Variants in PTPRT observed in about 807,000 individuals in gnomAD.
The protein encoded by PTPRT is protein tyrosine phosphatase receptor type T, also known as receptor-type tyrosine-protein phosphatase T.
Under a neutral mutation model 176.8 loss-of-function variants are expected in PTPRT, and 56 were observed. The ratio of observed to expected loss-of-function variants is 0.32; its 90% confidence interval spans 0.26 to 0.40. PTPRT has a LOEUF of 0.40. Among genes scored for constraint, PTPRT ranks in the 10% least tolerant of loss-of-function variants. The pLI is 1.00. For synonymous variants in PTPRT, 783 were observed against 739.0 expected (o/e 1.06, Z -0.96); for missense variants, 1,540 against 1,908.2 (o/e 0.81, Z 3.60).
intron 1 of PTPRT, among the ~76,000 whole-genome samples, chr20:42,933,477 C>T (rs1439984224): frequency 6.6e-6 from 1 of 152,100 alleles, no homozygotes; most frequent in Non-Finnish European, 1.5e-5. Flanking sequence ...TTTTCCAGTC[C>T]CGAGCATGGT....
At chr20:42,081,622 C>T (rs1983337597) in intron 30 of PTPRT, among the ~76,000 whole-genome samples, 1 of 152,194 alleles carries the variant, frequency 6.6e-6, no homozygotes, top group Admixed American at 6.5e-5. Flanking sequence ...GAATTAATGA[C>T]ACTGTCTTAA....
chr20:42,153,212 A>C (rs1450782821), intron 17 of PTPRT, among the ~76,000 whole-genome samples: 2 of 152,138 alleles, frequency 1.3e-5, no homozygotes, highest in Non-Finnish European at 2.9e-5. Context: ...TATTTTCTTT[A>C]TTTATCTTTC....
In PTPRT at chr20:42,649,679, A is replaced by G. The variant is rs6016862; in HGVS notation, c.1153+28187T>C. Among the ~76,000 whole-genome samples, 193 of 152,310 alleles carry G rather than the reference A, an allele frequency of 1.3e-3. 2 individuals are homozygous for G. Among genetic ancestry groups the G allele is most frequent in the African/African-American group, 4.4e-3 (184 of 41,544 alleles). ...CTCTGGGGAGTATGGGAAGGTCCTG[A>G]AAGAGCCCCTAAGTTATGCTTGATT... is the stretch of plus-strand genomic sequence containing the variant. On this transcript the variant is annotated intron_variant, in intron 7 of 30. Coordinates refer to ENST00000373187, the MANE Select transcript of PTPRT (RefSeq NM_007050.6).
intron 17 of PTPRT, among the ~76,000 whole-genome samples, chr20:42,152,023 G>C (rs952886750): frequency 6.6e-6 from 1 of 152,220 alleles, no homozygotes; most frequent in African/African-American, 2.4e-5. Flanking sequence ...TGGTCAGCTT[G>C]TGGGTGACAA....
intron 1 of PTPRT, among the ~76,000 whole-genome samples, chr20:42,982,334 T>C (rs1983330816): frequency 6.6e-6 from 1 of 151,824 alleles, no homozygotes. Flanking sequence ...ATGTGGGAGG[T>C]AGACCTTAAT....
intron 7 of PTPRT, among the ~76,000 whole-genome samples, chr20:42,674,106 AACACCAATAAAC>A (rs1351990824): frequency 6.6e-6 from 1 of 152,188 alleles, no homozygotes; most frequent in Non-Finnish European, 1.5e-5. Context: ...TCAGACTACC[AACACCAATAAAC>A]ACCACCTACA....
chr20:42,773,464 T>C (rs904697040), intron 4 of PTPRT, among the ~76,000 whole-genome samples: 1 of 152,092 alleles, frequency 6.6e-6, no homozygotes, highest in African/African-American at 2.4e-5. Context: ...ATTTCCCCAA[T>C]GTACTTTTAC....
At chr20:42,694,525 T>C (rs1164357574) in intron 6 of PTPRT, among the ~76,000 whole-genome samples, 1 of 152,222 alleles carries the variant, frequency 6.6e-6, no homozygotes, top group African/African-American at 2.4e-5. Flanking sequence ...TGTATAGGTT[T>C]TTGTGTGAAC....
intron 1 of PTPRT, among the ~76,000 whole-genome samples, chr20:43,141,314 G>A (rs1324067098): frequency 6.6e-6 from 1 of 152,156 alleles, no homozygotes; most frequent in Non-Finnish European, 1.5e-5. Context: ...TCTGCTGGTC[G>A]TGGCGAGGCT....
intron 9 of PTPRT, among the ~76,000 whole-genome samples, chr20:42,426,611 C>T (rs1330214302): frequency 6.6e-6 from 1 of 152,236 alleles, no homozygotes. Context: ...TAAAAGAGCA[C>T]TGTAGCATGC....
intron 7 of PTPRT, among the ~76,000 whole-genome samples, chr20:42,502,067 AT>A (rs1232321088): frequency 6.6e-6 from 1 of 152,066 alleles, no homozygotes; most frequent in Non-Finnish European, 1.5e-5. Context: ...TTATTGATTC[AT>A]TTTTTAAAAT....
intron 7 of PTPRT, among the ~76,000 whole-genome samples, chr20:42,619,508 TTC>T (rs1424629262): frequency 2.3e-5 from 3 of 130,274 alleles, no homozygotes; most frequent in Admixed American, 1.5e-4. Context: ...ATTGGGGAAG[TTC>T]TCCTGGATAA....
At chr20:42,523,001 T>C (rs1013159583) in intron 7 of PTPRT, among the ~76,000 whole-genome samples, 2 of 152,196 alleles carry the variant, frequency 1.3e-5, no homozygotes, top group Non-Finnish European at 2.9e-5. Flanking sequence ...TCAATTTAGA[T>C]CCTTAATTTC....
intron 1 of PTPRT, among the ~76,000 whole-genome samples, chr20:42,904,525 C>T (rs535769757): frequency 9.9e-5 from 15 of 152,246 alleles, no homozygotes; most frequent in African/African-American, 3.1e-4. Flanking sequence ...CCCATAACAA[C>T]AGTGGAAGAG....
At chr20:42,206,626 G>T (rs1390025217) in intron 15 of PTPRT, among the ~76,000 whole-genome samples, 10 of 152,226 alleles carry the variant, frequency 6.6e-5, no homozygotes, top group Non-Finnish European at 1.5e-4. Flanking sequence ...TGGCTTGGAG[G>T]GTCCTACGCC....
At chr20:43,077,571 T>C (rs2011312397) in intron 1 of PTPRT, among the ~76,000 whole-genome samples, 1 of 152,158 alleles carries the variant, frequency 6.6e-6, no homozygotes, top group East Asian at 1.9e-4. Flanking sequence ...GAGCTCAGCT[T>C]TCAGAGGGTT....
At chr20:43,157,599 C>T (rs1452442345) in intron 1 of PTPRT, among the ~76,000 whole-genome samples, 2 of 152,186 alleles carry the variant, frequency 1.3e-5, no homozygotes, top group Non-Finnish European at 2.9e-5. Context: ...CCAGGACAGT[C>T]ACTCCTGGCT....
At chr20:42,964,369 A>C (rs1982174651) in intron 1 of PTPRT, among the ~76,000 whole-genome samples, 3 of 152,194 alleles carry the variant, frequency 2.0e-5, no homozygotes, top group Admixed American at 2.0e-4. Context: ...ATCCATATCA[A>C]AGTAAAATTC....
At chr20:42,119,613 G>A (rs1987480571) in intron 20 of PTPRT, among the ~76,000 whole-genome samples, 1 of 152,230 alleles carries the variant, frequency 6.6e-6, no homozygotes, top group South Asian at 2.1e-4. Flanking sequence ...GATGGCACCT[G>A]CTTGGGCCTC....
Sources: allele counts gnomAD v4.1 joint callset (sites outside exome capture counted in the v4.1 genomes callset), GRCh38; gene constraint gnomAD v4.1.1; transcripts MANE v1.5; gene names NCBI Gene and HGNC (gene_info 2026-07-23, HGNC 2026-07-21).